The following PCLO variants were observed in gnomAD, a reference collection of about 807,000 sequenced individuals.
PCLO encodes the protein piccolo presynaptic cytomatrix protein.
Under a neutral mutation model 427.5 loss-of-function variants are expected in PCLO, and 82 were observed. The ratio of observed to expected loss-of-function variants is 0.19; its 90% CI spans 0.16 to 0.23. PCLO has a LOEUF of 0.23. Ranked by LOEUF, PCLO falls within the 10% of genes least tolerant of loss-of-function variation. The pLI, the probability that PCLO is intolerant of heterozygous loss-of-function variation, is 1.00. For missense variants in PCLO, 6,239 were observed against 6,115.9 expected, an observed-to-expected ratio of 1.02 and a Z score of -0.67; for synonymous variants, 2,357 against 2,155.4, an observed-to-expected ratio of 1.09 and a Z score of -2.59.
intron 6 of PCLO, among the ~76,000 whole-genome samples, chr7:82,923,538 A>T (rs2116308434): frequency 6.6e-6 from 1 of 152,262 alleles, no homozygotes; most frequent in Non-Finnish European, 1.5e-5. Context: ...CAAACTGTAA[A>T]TGTGCAATCA....
intron 6 of PCLO, among the ~76,000 whole-genome samples, chr7:82,922,313 G>A (rs960731969): frequency 2.6e-5 from 4 of 151,768 alleles, no homozygotes; most frequent in African/African-American, 9.7e-5. Context: ...CACTATTCAC[G>A]ACAGCAAAGA....
intron 3 of PCLO, among the ~76,000 whole-genome samples, chr7:83,039,171 G>A (rs747370176): frequency 1.3e-5 from 2 of 151,824 alleles, no homozygotes; most frequent in Non-Finnish European, 2.9e-5. Flanking sequence ...TGGGTTGTCT[G>A]TTTTACTTTC....
intron 3 of PCLO, among the ~76,000 whole-genome samples, chr7:83,016,896 G>C (rs967455313): frequency 6.6e-6 from 1 of 152,074 alleles, no homozygotes; most frequent in African/African-American, 2.4e-5. Context: ...AGGACAGATA[G>C]CAGAGCCAAT....
chr7:82,949,690 C>T lies in PCLO; in HGVS notation c.10898G>A (p.Gly3633Asp), dbSNP rs958841230. ...LYSPISPLSP[G>D]KALESAFVPY... ...TACAAAGGCTGATTCTAAGGCTTTG[C>T]CTGGTGAAAGTGGTGAGATGGGTGA... Residue 3633 changes from glycine (G) to aspartate (D), a missense_variant, in exon 6 of 25, where the codon GGC (glycine) becomes GAC (aspartate). By Grantham distance (94) the Gly-to-Asp change is moderately conservative. This residue lies in a region of PCLO where 4,677 missense variants were observed against 4,468.4 expected (regional missense o/e 1.05). Coordinates refer to ENST00000333891, the MANE Select transcript of PCLO (RefSeq NM_033026.6). The T allele has an allele frequency of 6.2e-7, 1 of 1,613,670 alleles. No individual in the cohort carries two copies. Among genetic ancestry groups the T allele is most frequent in the Non-Finnish European group, 8.5e-7 (1 of 1,179,802 alleles).
chr7:82,947,624 A>G (rs1795234448), intron 6 of PCLO, among the ~76,000 whole-genome samples: 1 of 152,184 alleles, frequency 6.6e-6, no homozygotes, highest in Non-Finnish European at 1.5e-5. Flanking sequence ...GAATCTGTAT[A>G]CAACTATTCC....
intron 3 of PCLO, among the ~76,000 whole-genome samples, chr7:83,023,185 G>A (rs887941346): frequency 6.6e-6 from 1 of 152,038 alleles, no homozygotes; most frequent in Non-Finnish European, 1.5e-5. Flanking sequence ...AAGAGTATAT[G>A]GCAAAATGAT....
At chr7:82,829,187 T>C (rs1201598606) in intron 16 of PCLO, among the ~76,000 whole-genome samples, 1 of 152,162 alleles carries the variant, frequency 6.6e-6, no homozygotes, top group Non-Finnish European at 1.5e-5. Flanking sequence ...ACTTTCCCTG[T>C]ATCTCTGATT....
At chr7:82,865,630 T>C (rs186018921) in intron 10 of PCLO, among the ~76,000 whole-genome samples, 14 of 152,038 alleles carry the variant, frequency 9.2e-5, no homozygotes, top group African/African-American at 3.4e-4. Flanking sequence ...TGGCTTGCTG[T>C]ATTATGCAGG....
intron 2 of PCLO, among the ~76,000 whole-genome samples, chr7:83,153,624 C>T (rs1346693178): frequency 6.6e-6 from 1 of 152,142 alleles, no homozygotes; most frequent in Non-Finnish European, 1.5e-5. Flanking sequence ...AACAGCTGTC[C>T]TCCAGACAGG....
chr7:82,865,264 G>T (rs1278041471), intron 10 of PCLO, among the ~76,000 whole-genome samples: 2 of 152,116 alleles, frequency 1.3e-5, no homozygotes, highest in Admixed American at 6.5e-5. Context: ...AAGGTGGGCA[G>T]ATCACCTGAG....
At chr7:83,006,822 G>A (rs1787957627) in intron 3 of PCLO, among the ~76,000 whole-genome samples, 2 of 151,234 alleles carry the variant, frequency 1.3e-5, no homozygotes, top group East Asian at 1.9e-4. Flanking sequence ...ATCATTTTAA[G>A]TCTTTGCTCA....
chr7:83,012,129 A>T (rs1376833448), intron 3 of PCLO, among the ~76,000 whole-genome samples: 1 of 152,126 alleles, frequency 6.6e-6, no homozygotes, highest in African/African-American at 2.4e-5. Context: ...GAGTAAAGCA[A>T]ATCAGATACA....
At chr7:83,112,555 C>T (rs560617451) in intron 3 of PCLO, among the ~76,000 whole-genome samples, 8 of 152,136 alleles carry the variant, frequency 5.3e-5, no homozygotes, top group Middle Eastern at 3.4e-3. Context: ...GCCATTTAGC[C>T]ATAAATTTCA....
intron 14 of PCLO, among the ~76,000 whole-genome samples, chr7:82,841,186 C>T (rs941724021): frequency 6.6e-5 from 10 of 151,974 alleles, no homozygotes; most frequent in South Asian, 2.1e-4. Flanking sequence ...AAAATACATT[C>T]GACAAATATA....
At chr7:82,898,926 A>G (rs932493345) in intron 9 of PCLO, among the ~76,000 whole-genome samples, 1 of 151,416 alleles carries the variant, frequency 6.6e-6, no homozygotes, top group Non-Finnish European at 1.5e-5. Context: ...TTCAGATATG[A>G]TATCATTTGA....
intron 3 of PCLO, among the ~76,000 whole-genome samples, chr7:82,997,512 T>C (rs1287295764): frequency 6.6e-6 from 1 of 152,020 alleles, no homozygotes; most frequent in Non-Finnish European, 1.5e-5. Flanking sequence ...AACTGATTAG[T>C]AACAACAACT....
At chr7:82,822,169 A>AT (rs1164085351) in intron 20 of PCLO, 38 of 1,110,580 alleles carry the variant, frequency 3.4e-5, no homozygotes, top group Non-Finnish European at 4.0e-5. Context: ...TCTAAAAGAT[A>AT]TTTAAGCGCA....
chr7:82,942,555 T>C (rs141452236), intron 6 of PCLO, among the ~76,000 whole-genome samples: 2,438 of 152,276 alleles, frequency 0.016, 62 homozygotes, highest in African/African-American at 0.056. Flanking sequence ...TACCGAATAC[T>C]AAATTGCTGA....
At chr7:82,828,042 TG>T in intron 16 of PCLO, 76 bp from the exon 17 acceptor site, 1 of 756,348 alleles carries the variant, frequency 1.3e-6, no homozygotes, top group East Asian at 2.6e-5. Context: ...CTAAAGGACA[TG>T]CAGACTATTC....
Sources: gnomAD v4.1 joint callset for allele counts (sites outside exome capture counted in the v4.1 genomes callset) on GRCh38, gnomAD v4.1.1 for gene constraint, gnomAD v4.1.1 regional missense constraint, MANE v1.5 for transcripts, NCBI Gene and HGNC (gene_info 2026-07-23, HGNC 2026-07-21) for gene names.